LRBA: variants seen among roughly 807,000 people sequenced by gnomAD.
LRBA encodes the protein LPS responsive beige-like anchor protein.
In LRBA, 176 loss-of-function variants were observed where a neutral mutation model predicts 330.0. That is an observed-to-expected ratio of 0.53 (90% confidence interval 0.47 to 0.60). The LOEUF is 0.60. LRBA is among the 20% of genes least tolerant of loss of function. LRBA has a pLI of 0.00. For missense variants in LRBA, 3,259 were observed against 3,444.8 expected (o/e 0.95, Z 1.35); for synonymous variants, 1,230 against 1,193.0 (o/e 1.03, Z -0.64).
chr4:150,696,472 G>GATCAAGAATAGAC (rs1784626217), intron 36 of LRBA, among the ~76,000 whole-genome samples: 1 of 152,008 alleles, frequency 6.6e-6, no homozygotes. Context: ...TTTTCAGGAG[G>GATCAAGAATAGAC]ATCAAGAATA....
intron 40 of LRBA, among the ~76,000 whole-genome samples, chr4:150,536,358 CAT>C (rs1038680813): frequency 6.6e-6 from 1 of 152,112 alleles, no homozygotes; most frequent in Non-Finnish European, 1.5e-5. Context: ...TGTAGGAAAA[CAT>C]ATTGTTTTAA....
intron 30 of LRBA, among the ~76,000 whole-genome samples, chr4:150,818,789 C>A (rs1744993791): frequency 1.3e-5 from 2 of 151,914 alleles, no homozygotes; most frequent in Non-Finnish European, 2.9e-5. Context: ...TTTACTCATA[C>A]TGTAAGTAGG....
intron 35 of LRBA, among the ~76,000 whole-genome samples, chr4:150,746,801 C>A (rs1166348411): frequency 6.6e-6 from 1 of 152,126 alleles, no homozygotes; most frequent in East Asian, 1.9e-4. Flanking sequence ...TGAGCCACTA[C>A]GCCCGGCCAA....
At chr4:150,431,178 G>C (rs1750331115) in intron 46 of LRBA, among the ~76,000 whole-genome samples, 1 of 152,128 alleles carries the variant, frequency 6.6e-6, no homozygotes, top group Non-Finnish European at 1.5e-5. Flanking sequence ...CTAAATTTAA[G>C]TGAATTTTAA....
intron 47 of LRBA, 148 bp downstream of exon 47, chr4:150,415,290 G>A (rs1018703701): frequency 5.4e-6 from 3 of 550,644 alleles, no homozygotes; most frequent in Non-Finnish European, 9.4e-6. Context: ...GTATATACAA[G>A]GATTCTTGAG....
At position 150,583,213 on chromosome 4, in the gene LRBA, C is replaced by T; in HGVS notation, c.6330+4835G>A. On this transcript the variant is annotated intron_variant, in intron 40 of 56. Coordinates refer to ENST00000651943, the MANE Select transcript of LRBA (RefSeq NM_001364905.1). The surrounding 1 kb of genome is among the most constrained non-coding windows in gnomAD (Gnocchi z 9.8). ...CAGCTCCTTGAGCGAGATCGATGCC[C>T]GCTACGAGGGGCTCGAGGTCATTTC... 1 of 1,614,226 alleles carries T rather than the reference C, an allele frequency of 6.2e-7. No individual in the cohort carries two copies. The highest frequency in any genetic ancestry group is 8.5e-7 in the Non-Finnish European group (1 of 1,180,050).
At chr4:150,913,028 T>C (rs1732185955) in intron 9 of LRBA, among the ~76,000 whole-genome samples, 1 of 152,260 alleles carries the variant, frequency 6.6e-6, no homozygotes, top group Admixed American at 6.5e-5. Flanking sequence ...CTTGGTGGAC[T>C]TTCCAGTTTT....
chr4:150,860,248 G>T (rs898733143), intron 22 of LRBA, among the ~76,000 whole-genome samples: 2 of 152,144 alleles, frequency 1.3e-5, no homozygotes, highest in African/African-American at 2.4e-5. Context: ...GTGAACAAAT[G>T]TAAGAACCAA....
At chr4:150,729,752 G>T (rs1185919360) in intron 36 of LRBA, among the ~76,000 whole-genome samples, 1 of 152,056 alleles carries the variant, frequency 6.6e-6, no homozygotes, top group Non-Finnish European at 1.5e-5. Flanking sequence ...TTATATTACT[G>T]AGTTATAGTA....
At chr4:150,963,258 G>A (rs1738379239) in intron 2 of LRBA, among the ~76,000 whole-genome samples, 1 of 148,398 alleles carries the variant, frequency 6.7e-6, no homozygotes, top group Non-Finnish European at 1.5e-5. Flanking sequence ...CTGTACTGCT[G>A]CCATCTTGGC....
intron 33 of LRBA, among the ~76,000 whole-genome samples, chr4:150,805,637 G>A (rs1578842086): frequency 1.4e-5 from 2 of 145,278 alleles, no homozygotes; most frequent in East Asian, 2.0e-4. Flanking sequence ...AGAAGGAGAA[G>A]GAAAGGAAAG....
intron 28 of LRBA, among the ~76,000 whole-genome samples, chr4:150,833,573 T>TACA (rs1747534598): frequency 6.6e-6 from 1 of 152,186 alleles, no homozygotes; most frequent in African/African-American, 2.4e-5. Context: ...CTATTAATTG[T>TACA]ACAACAGCAT....
At chr4:150,345,472 A>G (rs997571685) in intron 48 of LRBA, among the ~76,000 whole-genome samples, 1 of 152,162 alleles carries the variant, frequency 6.6e-6, no homozygotes, top group African/African-American at 2.4e-5. Context: ...TATTCCTTTT[A>G]TAGCTGTGTT....
chr4:150,955,482 G>A (rs1484126911), intron 2 of LRBA, among the ~76,000 whole-genome samples: 2 of 148,896 alleles, frequency 1.3e-5, no homozygotes, highest in African/African-American at 2.6e-5. Flanking sequence ...AGCCATGTCC[G>A]GTGGCACCCA....
intron 48 of LRBA, among the ~76,000 whole-genome samples, chr4:150,340,702 T>G (rs1581058260): frequency 6.6e-6 from 1 of 152,232 alleles, no homozygotes; most frequent in African/African-American, 2.4e-5. Context: ...ACTTTGTTAT[T>G]TGTTGTTGCT....
rs146487617 is a variant in LRBA at position 150,602,850 on chromosome 4, T to C, written c.5922-3719A>G. 8.9e-3 allele frequency among the ~76,000 whole-genome samples: 1,361 copies of C among 152,292 alleles called. 20 individuals carry two copies. Among genetic ancestry groups the C allele is most frequent in the African/African-American group, 0.031 (1,301 of 41,564 alleles). ...TATCACCATGGTACGATCAGCAAAA[T>C]TTAAAAGACTTCATGTGTTCAGAAA... On this transcript the variant is annotated intron_variant, in intron 37 of 56. Coordinates refer to ENST00000651943, the MANE Select transcript of LRBA (RefSeq NM_001364905.1).
rs1239904223 is a variant in LRBA at position 150,752,897 on chromosome 4, G to T, written c.5645+8886C>A. ...TGAAATAATCTATTCTCTAGAATGT[G>T]CAAATAAAAAGAGACAGAAGATAGT... On this transcript the variant is annotated intron_variant, in intron 35 of 56. Transcript: ENST00000651943. Among the ~76,000 whole-genome samples, 3 of 152,186 alleles carry T rather than the reference G, an allele frequency of 2.0e-5. No individual in the cohort carries two copies. In the East Asian group the frequency reaches 5.8e-4, roughly 29 times the overall value.
intron 44 of LRBA, among the ~76,000 whole-genome samples, chr4:150,445,794 A>G (rs1752549758): frequency 6.6e-6 from 1 of 151,978 alleles, no homozygotes; most frequent in Non-Finnish European, 1.5e-5. Flanking sequence ...CCTCCTGAGC[A>G]GCTAGGACTA....
chr4:150,784,564 G>A (rs1193093335), intron 34 of LRBA, among the ~76,000 whole-genome samples: 2 of 152,092 alleles, frequency 1.3e-5, no homozygotes, highest in Admixed American at 6.5e-5. Context: ...GACATGCCTG[G>A]TCAAACCAAT....
Sources: allele counts gnomAD v4.1 joint callset (sites outside exome capture counted in the v4.1 genomes callset), GRCh38; gene constraint gnomAD v4.1.1; non-coding constraint Gnocchi (gnomAD v3.1); transcripts MANE v1.5; gene names NCBI Gene and HGNC (gene_info 2026-07-23, HGNC 2026-07-21).